KCNN1: variants seen among roughly 807,000 people sequenced by gnomAD.
The protein encoded by KCNN1 is small conductance calcium-activated potassium channel protein 1.
A neutral mutation model predicts 44.7 loss-of-function variants in KCNN1; 20 were observed. That is an observed-to-expected ratio of 0.45 (90% CI 0.32 to 0.65). The LOEUF is 0.65. Ranked by LOEUF, KCNN1 falls within the 30% of genes least tolerant of loss-of-function variation. The pLI, the probability that KCNN1 is intolerant of heterozygous loss-of-function variation, is 0.05. For missense variants in KCNN1, 632 were observed against 785.3 expected (o/e 0.80, Z 2.33); for synonymous variants, 324 against 341.7 (o/e 0.95, Z 0.57).
chr19:17,981,618 C>A, intron 3 of KCNN1, 91 bp from the exon 4 acceptor site: 1 of 1,127,234 alleles, frequency 8.9e-7, no homozygotes, highest in Non-Finnish European at 1.2e-6. Context: ...TCAGGCCAGG[C>A]TGACGTCACT....
At chr19:17,973,290 C>CT (rs940121564) in intron 1 of KCNN1, among the ~76,000 whole-genome samples, 50 of 151,874 alleles carry the variant, frequency 3.3e-4, no homozygotes, top group South Asian at 2.1e-4. Flanking sequence ...TGTTCTTTTT[C>CT]TTTTTTTTGA....
In KCNN1 at chr19:17,998,557, G is replaced by A; in HGVS notation, c.*151G>A. On this transcript the variant is annotated 3_prime_UTR_variant, in exon 10 of 10. Transcript: ENST00000684775. The surrounding 1 kb of genome is among the most constrained non-coding windows in gnomAD (Gnocchi z 5.4). Reference sequence around the variant, plus strand: ...GGCCTGCCCCGCCCAGACTGCCCAGGCAGAGGGCAGGGCTGGACCATGGGT... The same window carrying A: ...GGCCTGCCCCGCCCAGACTGCCCAGACAGAGGGCAGGGCTGGACCATGGGT... 1.2e-6 allele frequency: 1 copy of A among 815,374 alleles called. No individual in the cohort carries two copies. The highest frequency in any genetic ancestry group is 1.8e-6 in the Non-Finnish European group (1 of 548,276). The allele number at this position is 815,374 out of a possible 1,614,324, so 50.5% of individuals were successfully genotyped here.
rs139030832 is a variant in KCNN1 at position 17,984,572 on chromosome 19, G to A, written c.918-740G>A. 3.3e-3 allele frequency among the ~76,000 whole-genome samples: 506 copies of A among 152,230 alleles called. 3 individuals are homozygous for A. Among genetic ancestry groups the A allele is most frequent in the African/African-American group, 0.011 (472 of 41,548 alleles). The stretch of plus-strand genomic sequence containing the variant: ...GATTTGGGGACTGAGAGCTGAGTGG[G>A]AACAGATCCTAGAGCCACCCCCAGA... On this transcript the variant is annotated intron_variant, in intron 4 of 9. Coordinates refer to ENST00000684775, the MANE Select transcript of KCNN1 (RefSeq NM_001386974.1).
At chr19:17,966,958 A>G (rs1319137490), upstream of KCNN1, among the ~76,000 whole-genome samples, 1 of 148,714 alleles carries the variant, frequency 6.7e-6, no homozygotes, top group Non-Finnish European at 1.5e-5. Context: ...GACCAGCCGC[A>G]TGCCGGGGGG....
Position 17,974,398 on chromosome 19 carries a change from T to A in KCNN1, c.402+108T>A. 1 of 1,289,414 alleles carries A rather than the reference T, an allele frequency of 7.8e-7. No individual in the cohort carries two copies. The highest frequency in any genetic ancestry group is 1.5e-5 in the African/African-American group (1 of 66,368). 79.9% of individuals were successfully genotyped at this position (1,289,414 alleles called of 1,614,324 possible). Reference sequence around the variant, plus strand: ...GGGCCCCCCGGGAGATAGGGAGTGTTAGGGGGCTCCCGGAGGTGAGGGCTC... The same window carrying A: ...GGGCCCCCCGGGAGATAGGGAGTGTAAGGGGGCTCCCGGAGGTGAGGGCTC... On this transcript the variant is annotated intron_variant, in intron 2 of 9. Transcript: ENST00000684775. This position sits in a 1 kb window ranked among gnomAD's most constrained non-coding sequence, Gnocchi z 7.3.
chr19:17,952,552 C>T (rs1482142612), intron 1 of KCNN1, among the ~76,000 whole-genome samples: 1 of 152,124 alleles, frequency 6.6e-6, no homozygotes, highest in African/African-American at 2.4e-5. Context: ...GGAGGGGGTT[C>T]CTGCTTCCAG....
Position 17,974,214 on chromosome 19 carries a change from A to G in KCNN1, c.326A>G (p.Tyr109Cys). 2 of 1,612,420 alleles carry G rather than the reference A, an allele frequency of 1.2e-6. No individual in the cohort carries two copies. Among genetic ancestry groups the G allele is most frequent in the Non-Finnish European group, 1.7e-6 (2 of 1,179,000 alleles). The change falls in exon 2 of 10, where the codon TAT (tyrosine) becomes TGT (cysteine). Residue 109 changes from tyrosine (Y) to cysteine (C), a missense_variant. Tyr to Cys is a radical substitution (Grantham distance 194). This residue lies in a region of KCNN1 where 235 missense variants were observed against 224.0 expected (regional missense o/e 1.05). Transcript: ENST00000684775. The surrounding 1 kb of genome is among the most constrained non-coding windows in gnomAD (Gnocchi z 7.3). ...LFEKRKRLSD[Y>C]ALIFGMFGIV... ...GAGAAGCGGAAGCGCCTCAGCGACT[A>G]TGCCCTCATTTTCGGCATGTTTGGC...
chr19:17,999,802 T>C lies in KCNN1; in HGVS notation c.*1396T>C, dbSNP rs2033123625. The C allele has an allele frequency of 2.8e-6, 1 of 355,132 alleles. No individual in the cohort carries two copies. The highest frequency in any genetic ancestry group is 2.0e-5 in the South Asian group (1 of 49,306). The allele number at this position is 355,132 out of a possible 1,614,324, so 22.0% of individuals were successfully genotyped here. A position where few individuals can be genotyped will look rare whatever the true frequency, so the allele number is the denominator to read the frequency against. On this transcript the variant is annotated 3_prime_UTR_variant, in exon 10 of 10. Transcript: ENST00000684775. ...GTCCTGGCAGCCTCTGATAAGGCCA[T>C]CCATCGCCTGGCTCAACGAGATAAC...
chr19:17,961,424 AAAAAG>A (rs1162595580), intron 2 of KCNN1, among the ~76,000 whole-genome samples: 3 of 152,014 alleles, frequency 2.0e-5, no homozygotes, highest in African/African-American at 7.2e-5. Context: ...ATTTAAAAAC[AAAAAG>A]AAAAGAAAAA....
chr19:17,999,862 G>C lies in KCNN1; in HGVS notation c.*1456G>C. 4.8e-6 allele frequency: 2 copies of C among 417,124 alleles called. No homozygotes were observed. Among genetic ancestry groups the C allele is most frequent in the Non-Finnish European group, 9.7e-6 (2 of 205,760 alleles). The allele number at this position is 417,124 out of a possible 1,614,324, so 25.8% of individuals were successfully genotyped here. A position where few individuals can be genotyped will look rare whatever the true frequency, so the allele number is the denominator to read the frequency against. ...GCTGGTGCATGAATGACCAGCTTGG[G>C]CCCACGCACGAGAAGGGTATGAGGA... On this transcript the variant is annotated 3_prime_UTR_variant, in exon 10 of 10. Transcript: ENST00000684775.
chr19:17,977,519 T>G (rs771742129), intron 3 of KCNN1, among the ~76,000 whole-genome samples: 1 of 151,918 alleles, frequency 6.6e-6, no homozygotes, highest in Non-Finnish European at 1.5e-5. Context: ...TTTTAAATTT[T>G]TTGCTTTTTT....
chr19:17,987,523 C>A (rs762072269), intron 5 of KCNN1, among the ~76,000 whole-genome samples: 5 of 152,128 alleles, frequency 3.3e-5, no homozygotes, highest in Admixed American at 6.6e-5. Context: ...GTCTAGTATT[C>A]TAGGTGGAGG....
In KCNN1 at chr19:17,983,305, G is replaced by C. The variant is rs1273651827; in HGVS notation, c.917+1178G>C. Among the ~76,000 whole-genome samples, 1 of 152,098 alleles carries C rather than the reference G, an allele frequency of 6.6e-6. No individual in the cohort carries two copies. The highest frequency in any genetic ancestry group is 2.1e-4 in the South Asian group (1 of 4,834). On this transcript the variant is annotated intron_variant, in intron 4 of 9. Transcript: ENST00000684775. This position sits in a 1 kb window ranked among gnomAD's most constrained non-coding sequence, Gnocchi z 4.5. ...CCTAGCTGGTGGAGGCCCTGGAGGGGTCCCTGGCTGGACCCCTGCTTGCCC... is the reference window on the plus strand; with the variant it reads ...CCTAGCTGGTGGAGGCCCTGGAGGGCTCCCTGGCTGGACCCCTGCTTGCCC...
At chr19:17,975,610 G>A (rs978233425) in intron 3 of KCNN1, among the ~76,000 whole-genome samples, 44 of 151,642 alleles carry the variant, frequency 2.9e-4, no homozygotes, top group Non-Finnish European at 3.7e-4. Context: ...TAGTAGAGAC[G>A]GGATTTCACC....
At chr19:17,978,876 G>A (rs921961603) in intron 3 of KCNN1, among the ~76,000 whole-genome samples, 3 of 150,702 alleles carry the variant, frequency 2.0e-5, no homozygotes, top group Admixed American at 6.6e-5. Flanking sequence ...GCAACGTGGC[G>A]AAACACCGTC....
intron 1 of KCNN1, among the ~76,000 whole-genome samples, chr19:17,970,372 C>CAG (rs1400075792): frequency 2.4e-5 from 3 of 122,760 alleles, no homozygotes; most frequent in Admixed American, 1.1e-4. Flanking sequence ...GGCTGGAATG[C>CAG]AGTGGCATGA....
At chr19:17,952,548 G>C in intron 1 of KCNN1, among the ~76,000 whole-genome samples, 1 of 152,160 alleles carries the variant, frequency 6.6e-6, no homozygotes, top group East Asian at 1.9e-4. Flanking sequence ...GTGAGGAGGG[G>C]GTTCCTGCTT....
chr19:17,977,337 G>C (rs1031241855), intron 3 of KCNN1, among the ~76,000 whole-genome samples: 2 of 149,448 alleles, frequency 1.3e-5, no homozygotes, highest in African/African-American at 4.9e-5. Flanking sequence ...ACTGCAATTA[G>C]ATGATTCCAC....
At chr19:17,996,169 A>AG (rs913689946) in intron 9 of KCNN1, among the ~76,000 whole-genome samples, 4 of 144,020 alleles carry the variant, frequency 2.8e-5, no homozygotes, top group African/African-American at 9.9e-5. Context: ...ATTGCTACAA[A>AG]AAAAAAAAAA....
Sources: allele counts gnomAD v4.1 joint callset (sites outside exome capture counted in the v4.1 genomes callset), GRCh38; gene constraint gnomAD v4.1.1; regional missense constraint gnomAD v4.1.1; non-coding constraint Gnocchi (gnomAD v3.1); transcripts MANE v1.5; gene names NCBI Gene and HGNC (gene_info 2026-07-23, HGNC 2026-07-21).